DACH2: variants seen among roughly 807,000 people sequenced by gnomAD.
The protein encoded by DACH2 is dachshund family transcription factor 2, also known as dachshund homolog 2.
DACH2 carries 17 observed loss-of-function variants against 35.8 expected under a neutral mutation model. The ratio of observed to expected loss-of-function variants is 0.48; its 90% CI spans 0.33 to 0.71. The LOEUF (loss-of-function observed/expected upper bound fraction) is 0.71, where lower values mean the gene tolerates loss of function less well. Among genes scored for constraint, DACH2 ranks in the 30% least tolerant of loss-of-function variants. The probability of loss-of-function intolerance (pLI) is 0.02; values close to 1 mark genes in which losing one functional copy is unlikely to be tolerated. For synonymous variants in DACH2, 195 were observed against 177.3 expected, an observed-to-expected ratio of 1.10 and a Z score of -0.79; for missense variants, 469 against 472.7, an observed-to-expected ratio of 0.99 and a Z score of 0.07.
intron 2 of DACH2, among the ~76,000 whole-genome samples, chrX:86,470,951 C>A (rs1001295677): frequency 9.0e-6 from 1 of 110,641 alleles, no homozygotes; most frequent in East Asian, 2.8e-4. Flanking sequence ...AAGGCTCAAC[C>A]CCCGAAAATA....
intron 3 of DACH2, among the ~76,000 whole-genome samples, chrX:86,639,927 C>T (rs1267467838): frequency 9.0e-6 from 1 of 111,450 alleles, no homozygotes. Context: ...CCAGCCACTT[C>T]CTACAGGTGC....
At chrX:86,799,011 C>T in intron 7 of DACH2, 1 of 241,927 alleles carries the variant, frequency 4.1e-6, no homozygotes, top group Non-Finnish European at 7.7e-6. Flanking sequence ...AGCAAATTCT[C>T]CCAAGTTCAG....
intron 1 of DACH2, among the ~76,000 whole-genome samples, chrX:86,300,825 GA>G (rs1379938843): frequency 8.9e-6 from 1 of 111,880 alleles, no homozygotes; most frequent in African/African-American, 3.3e-5. Context: ...ATTGCACATG[GA>G]AATTGTATTT....
At chrX:86,263,790 A>G (rs989196934) in intron 1 of DACH2, among the ~76,000 whole-genome samples, 1 of 111,978 alleles carries the variant, frequency 8.9e-6, no homozygotes, top group Non-Finnish European at 1.9e-5. Flanking sequence ...TTCACTAAGT[A>G]CAAATCAAAT....
intron 3 of DACH2, among the ~76,000 whole-genome samples, chrX:86,629,990 T>C (rs1225050811): frequency 8.9e-6 from 1 of 112,081 alleles, no homozygotes; most frequent in East Asian, 2.8e-4. Context: ...GAAATCCTGA[T>C]ATCAATATAC....
intron 2 of DACH2, among the ~76,000 whole-genome samples, chrX:86,410,057 C>A (rs1009231169): frequency 8.9e-6 from 1 of 112,091 alleles, no homozygotes; most frequent in African/African-American, 3.2e-5. Flanking sequence ...AGGCTGATAA[C>A]CTATAGCATG....
chrX:86,426,733 C>T (rs2036899800), intron 2 of DACH2, among the ~76,000 whole-genome samples: 1 of 111,276 alleles, frequency 9.0e-6, no homozygotes, highest in Non-Finnish European at 1.9e-5. Context: ...TACACTCATT[C>T]CTCAGTCTAA....
chrX:86,192,603 G>C (rs1256091152), intron 1 of DACH2, among the ~76,000 whole-genome samples: 1 of 111,868 alleles, frequency 8.9e-6, no homozygotes, highest in Non-Finnish European at 1.9e-5. Flanking sequence ...TTGGGGCATT[G>C]TTGCTATAAA....
chrX:86,607,700 C>T (rs2039877119), intron 3 of DACH2, among the ~76,000 whole-genome samples: 3 of 102,516 alleles, frequency 2.9e-5, no homozygotes, highest in South Asian at 1.0e-3. Context: ...CCCACTAACT[C>T]GTCATCTAGC....
chrX:86,161,280 G>A (rs1467925428), intron 1 of DACH2: 10 of 1,188,843 alleles, frequency 8.4e-6, no homozygotes, highest in Admixed American at 2.2e-5. Flanking sequence ...GGAGATACCA[G>A]CTTCAAATTC....
chrX:86,485,103 C>T (rs1438649457), intron 2 of DACH2, among the ~76,000 whole-genome samples: 1 of 110,805 alleles, frequency 9.0e-6, no homozygotes, highest in Non-Finnish European at 1.9e-5. Flanking sequence ...TTTTTCAAAC[C>T]TTATATAATA....
intron 2 of DACH2, among the ~76,000 whole-genome samples, chrX:86,393,551 G>A (rs1435247484): frequency 8.9e-6 from 1 of 112,292 alleles, no homozygotes; most frequent in Non-Finnish European, 1.9e-5. Context: ...AACTGCAAAG[G>A]CAGAACTCCC....
At chrX:86,452,827 C>A (rs2037403874) in intron 2 of DACH2, among the ~76,000 whole-genome samples, 1 of 111,172 alleles carries the variant, frequency 9.0e-6, no homozygotes, top group Non-Finnish European at 1.9e-5. Context: ...TTCAGTTCAG[C>A]TCCGATCTTG....
chrX:86,555,588 A>C (rs1452041421), intron 3 of DACH2, among the ~76,000 whole-genome samples: 1 of 111,790 alleles, frequency 8.9e-6, no homozygotes, highest in Non-Finnish European at 1.9e-5. Flanking sequence ...TTACTATTTT[A>C]AGCAAATATT....
chrX:86,300,787 T>C (rs1051854836), intron 1 of DACH2, among the ~76,000 whole-genome samples: 1 of 112,425 alleles, frequency 8.9e-6, no homozygotes, highest in Non-Finnish European at 1.9e-5. Flanking sequence ...TACTTGACTA[T>C]ACAATTTATA....
chrX:86,416,238 T>A (rs1394488765), intron 2 of DACH2, among the ~76,000 whole-genome samples: 1 of 112,262 alleles, frequency 8.9e-6, no homozygotes, highest in Non-Finnish European at 1.9e-5. Flanking sequence ...AAATGAGTGG[T>A]CAGTGTAAAT....
chrX:86,454,868 T>A (rs149193569), intron 2 of DACH2, among the ~76,000 whole-genome samples: 1 of 112,296 alleles, frequency 8.9e-6, no homozygotes, highest in South Asian at 3.7e-4. Context: ...TTTTTTTGAA[T>A]TTTCAGCATT....
intron 1 of DACH2, among the ~76,000 whole-genome samples, chrX:86,314,960 T>A (rs2034870337): frequency 8.9e-6 from 1 of 112,193 alleles, no homozygotes; most frequent in African/African-American, 3.2e-5. Context: ...GCTAAGATAA[T>A]TGAGGAAGTT....
intron 2 of DACH2, among the ~76,000 whole-genome samples, chrX:86,447,146 G>T (rs1481730791): frequency 2.0e-5 from 2 of 99,772 alleles, no homozygotes; most frequent in Non-Finnish European, 4.0e-5. Flanking sequence ...GGGGTTTTTT[G>T]TTTTTTTCTT....
Sources: allele counts gnomAD v4.1 joint callset (sites outside exome capture counted in the v4.1 genomes callset), GRCh38; gene constraint gnomAD v4.1.1; transcripts MANE v1.5; gene names NCBI Gene and HGNC (gene_info 2026-07-23, HGNC 2026-07-21).